CUX1: variants seen among roughly 807,000 people sequenced by gnomAD.
CUX1 encodes the protein cut like homeobox 1.
A neutral mutation model predicts 158.8 loss-of-function variants in CUX1; 31 were observed. The ratio of observed to expected loss-of-function variants is 0.20; its 90% CI spans 0.15 to 0.26. The LOEUF (loss-of-function observed/expected upper bound fraction) is 0.26. Among genes scored for constraint, CUX1 ranks in the 10% least tolerant of loss-of-function variants. The pLI, the probability that CUX1 is intolerant of heterozygous loss-of-function variation, is 1.00. For synonymous variants in CUX1, 879 were observed against 862.1 expected, an observed-to-expected ratio of 1.02 and a Z score of -0.34; for missense variants, 1,589 against 2,014.6, an observed-to-expected ratio of 0.79 and a Z score of 4.04.
At chr7:102,267,071 G>C (rs1459103103) in intron 14 of CUX1, among the ~76,000 whole-genome samples, 2 of 152,040 alleles carry the variant, frequency 1.3e-5, no homozygotes, top group Non-Finnish European at 2.9e-5. Context: ...GGCATGGGGA[G>C]CCGGCTGGGG....
chr7:102,056,908 T>TG (rs1022040819), intron 3 of CUX1, among the ~76,000 whole-genome samples: 6 of 13,768 alleles, frequency 4.4e-4, no homozygotes, highest in Non-Finnish European at 6.4e-4. Context: ...TGTTTTCTGG[T>TG]TTTTTTTTTT....
intron 2 of CUX1, among the ~76,000 whole-genome samples, chr7:101,938,532 C>A (rs975185086): frequency 6.6e-6 from 1 of 152,172 alleles, no homozygotes; most frequent in Non-Finnish European, 1.5e-5. Flanking sequence ...GATTTACACT[C>A]AGTAAGATTC....
chr7:102,222,600 A>T (rs566944125), intron 20 of CUX1, among the ~76,000 whole-genome samples: 15 of 152,110 alleles, frequency 9.9e-5, no homozygotes, highest in African/African-American at 3.6e-4. Context: ...CTATGAGTGG[A>T]TCAGCTTTTT....
intron 8 of CUX1, among the ~76,000 whole-genome samples, chr7:102,150,643 C>T (rs1169745695): frequency 6.6e-6 from 1 of 152,224 alleles, no homozygotes; most frequent in Non-Finnish European, 1.5e-5. Context: ...CACGCGTTAG[C>T]CCCCAGGAGG....
rs376518875 is a variant in CUX1, at chr7:102,249,144, C to T, written c.*102C>T. ...GACACCGTGGCCTGGGCTTGGCCCG[C>T]GGCCTGCACCGACCCCGGGCCGGAC... On this transcript the variant is annotated 3_prime_UTR_variant, in exon 24 of 24. Transcript: ENST00000292535. 11 of 1,157,048 alleles carry T rather than the reference C, an allele frequency of 9.5e-6. No individual in the cohort carries two copies. Among genetic ancestry groups the T allele is most frequent in the Middle Eastern group, 3.5e-4 (1 of 2,828 alleles). 71.7% of individuals were successfully genotyped at this position (1,157,048 alleles called of 1,614,324 possible).
At chr7:102,070,073 C>A (rs929871746) in intron 3 of CUX1, among the ~76,000 whole-genome samples, 1 of 152,170 alleles carries the variant, frequency 6.6e-6, no homozygotes, top group Non-Finnish European at 1.5e-5. Flanking sequence ...GAAGGGCACG[C>A]CAGACCATTC....
intron 1 of CUX1, among the ~76,000 whole-genome samples, chr7:101,852,933 C>T (rs1796426348): frequency 6.6e-6 from 1 of 152,120 alleles, no homozygotes; most frequent in South Asian, 2.1e-4. Flanking sequence ...CTGCCTCGTC[C>T]TCCCAAAGTG....
intron 1 of CUX1, among the ~76,000 whole-genome samples, chr7:101,841,531 C>G (rs2131159562): frequency 6.6e-6 from 1 of 150,970 alleles, no homozygotes; most frequent in Non-Finnish European, 1.5e-5. Context: ...TTTTTGAATA[C>G]TCAGCTTTTT....
chr7:102,091,790 C>G (rs1828606258), intron 4 of CUX1, among the ~76,000 whole-genome samples: 1 of 152,196 alleles, frequency 6.6e-6, no homozygotes, highest in African/African-American at 2.4e-5. Flanking sequence ...GAGTCTTGCT[C>G]TATCACCCAG....
At chr7:101,952,227 A>C (rs1809155833) in intron 2 of CUX1, among the ~76,000 whole-genome samples, 1 of 152,164 alleles carries the variant, frequency 6.6e-6, no homozygotes, top group Non-Finnish European at 1.5e-5. Flanking sequence ...TACAAAAAAA[A>C]ATACAAAAAT....
intron 4 of CUX1, among the ~76,000 whole-genome samples, chr7:102,085,447 C>A (rs1452631072): frequency 6.6e-6 from 1 of 152,112 alleles, no homozygotes; most frequent in Non-Finnish European, 1.5e-5. Flanking sequence ...GGGTGGTTAT[C>A]CCCATGCTGT....
intron 22 of CUX1, 83 bp from the exon 23 acceptor site, chr7:102,239,235 CTG>C: frequency 6.8e-7 from 1 of 1,465,684 alleles, no homozygotes. Flanking sequence ...CAAGCCGGCA[CTG>C]TGCCGTCCCG....
At chr7:102,037,338 TTC>T (rs1282138375) in intron 3 of CUX1, among the ~76,000 whole-genome samples, 6 of 151,924 alleles carry the variant, frequency 3.9e-5, no homozygotes, top group African/African-American at 1.4e-4. Flanking sequence ...TGGGTAGAAT[TTC>T]TTTCTTTTCT....
intron 11 of CUX1, among the ~76,000 whole-genome samples, chr7:102,182,876 A>G (rs180760457): frequency 3.3e-5 from 5 of 152,356 alleles, no homozygotes; most frequent in Admixed American, 3.3e-4. Flanking sequence ...AGAAAGGCTA[A>G]CTAAAAGAAC....
intron 2 of CUX1, among the ~76,000 whole-genome samples, chr7:101,991,331 C>T (rs1815094902): frequency 1.3e-5 from 2 of 152,198 alleles, no homozygotes; most frequent in Non-Finnish European, 2.9e-5. Context: ...AGCCAGGGCG[C>T]GTAGCAGATG....
chr7:102,175,418 T>G (rs551994787), intron 10 of CUX1, among the ~76,000 whole-genome samples: 1 of 152,176 alleles, frequency 6.6e-6, no homozygotes, highest in African/African-American at 2.4e-5. Flanking sequence ...TGATTCAACC[T>G]GTGCCCAGAC....
intron 1 of CUX1, among the ~76,000 whole-genome samples, chr7:101,907,209 T>G (rs1488595306): frequency 1.3e-5 from 2 of 152,182 alleles, no homozygotes; most frequent in African/African-American, 2.4e-5. Context: ...ATGGAGTCCA[T>G]GAAGAGAACA....
rs570345947 is a variant in CUX1 at position 101,882,425 on chromosome 7, A to G, written c.31-33690A>G. 1.4e-4 allele frequency among the ~76,000 whole-genome samples: 22 copies of G among 152,294 alleles called. 1 individual carries two copies. In the South Asian group the frequency reaches 4.4e-3, roughly 30 times the overall value. Reference sequence around the variant, plus strand: ...TCAGAGACCTACCCTCCTGGAATTGAAATAAAATGAAAATTTGTGATGACG... The same window carrying G: ...TCAGAGACCTACCCTCCTGGAATTGGAATAAAATGAAAATTTGTGATGACG... On this transcript the variant is annotated intron_variant, in intron 1 of 23. Transcript: ENST00000292535.
intron 1 of CUX1, among the ~76,000 whole-genome samples, chr7:101,866,427 C>T (rs1797933481): frequency 6.6e-6 from 1 of 152,072 alleles, no homozygotes. Context: ...CGGGATTGCA[C>T]CACTGCACTC....
Sources: gnomAD v4.1 joint callset for allele counts (sites outside exome capture counted in the v4.1 genomes callset) on GRCh38, gnomAD v4.1.1 for gene constraint, MANE v1.5 for transcripts, NCBI Gene and HGNC (gene_info 2026-07-23, HGNC 2026-07-21) for gene names.